The following RBFOX3 variants were observed in gnomAD, a reference collection of about 807,000 sequenced individuals.
RBFOX3 encodes RNA binding fox-1 homolog 3.
RBFOX3 carries 17 observed loss-of-function variants against 48.7 expected under a neutral mutation model. The observed-to-expected ratio is 0.35, with a 90% CI of 0.24 to 0.52. The LOEUF is 0.52. RBFOX3 is among the 20% of genes least tolerant of loss of function. RBFOX3 has a pLI of 0.94. For synonymous variants in RBFOX3, 212 were observed against 209.5 expected (o/e 1.01, Z -0.10); for missense variants, 382 against 497.5 (o/e 0.77, Z 2.21).
rs2058523225 is a variant in RBFOX3, at chr17:79,212,578, ACTT to A, written c.-34+23185_-34+23187del. Among the ~76,000 whole-genome samples, 1 of 152,066 alleles carries A rather than the reference ACTT, an allele frequency of 6.6e-6. No individual in the cohort carries two copies. Among genetic ancestry groups the A allele is most frequent in the Non-Finnish European group, 1.5e-5 (1 of 68,004 alleles). The stretch of plus-strand genomic sequence containing the variant: ...AAAGAGTAGATTTCAGAGCAACTTA[ACTT>A]CTTTCACAAGCAAATTCCCAGAGCC... On this transcript the variant is annotated intron_variant, in intron 4 of 14. Transcript: ENST00000693108. This position sits in a 1 kb window ranked among gnomAD's most constrained non-coding sequence, Gnocchi z 4.7.
rs1395401853 is a variant in RBFOX3, at chr17:79,278,342, C to T, written c.-74+29382G>A. Among the ~76,000 whole-genome samples, 6 of 152,340 alleles carry T rather than the reference C, an allele frequency of 3.9e-5. No individual in the cohort carries two copies. In the East Asian group the frequency reaches 1.2e-3, roughly 29 times the overall value. On this transcript the variant is annotated intron_variant, in intron 3 of 14. Transcript: ENST00000693108. ...TAGCTGAGGACCCTGGTTCCTGGTA[C>T]CCCAGAAGAGGGACCCCGATGCCAA...
chr17:79,345,829 T>C (rs761381468), intron 2 of RBFOX3, among the ~76,000 whole-genome samples: 1 of 152,236 alleles, frequency 6.6e-6, no homozygotes, highest in Non-Finnish European at 1.5e-5. Flanking sequence ...TATTTTTTCT[T>C]AACTTTAATG....
intron 2 of RBFOX3, among the ~76,000 whole-genome samples, chr17:79,422,976 C>T (rs567049202): frequency 1.3e-4 from 20 of 151,878 alleles, no homozygotes; most frequent in Non-Finnish European, 2.7e-4. Flanking sequence ...CACGTGAGGT[C>T]GCAGGGAGAA....
At position 79,204,158 on chromosome 17, in the gene RBFOX3, C is replaced by T. The variant is rs62062884; in HGVS notation, c.-34+31608G>A. ...GCCCCTACTTCCCCTACTGCCATGACAGCAATAGCTAGAGTTGGGGTTCAG... is the reference window on the plus strand; with the variant it reads ...GCCCCTACTTCCCCTACTGCCATGATAGCAATAGCTAGAGTTGGGGTTCAG... On this transcript the variant is annotated intron_variant, in intron 4 of 14. Transcript: ENST00000693108. This position sits in a 1 kb window ranked among gnomAD's most constrained non-coding sequence, Gnocchi z 4.5. Among the ~76,000 whole-genome samples, 1 of 152,196 alleles carries T rather than the reference C, an allele frequency of 6.6e-6. No individual in the cohort carries two copies. The highest frequency in any genetic ancestry group is 1.5e-5 in the Non-Finnish European group (1 of 68,026).
chr17:79,289,091 C>T (rs1452598147), intron 3 of RBFOX3, among the ~76,000 whole-genome samples: 2 of 152,174 alleles, frequency 1.3e-5, no homozygotes, highest in Non-Finnish European at 2.9e-5. Context: ...TCACCAGAAC[C>T]TGTCATCTCT....
At chr17:79,356,367 T>TTTTTTTTTG (rs2085068310) in intron 2 of RBFOX3, among the ~76,000 whole-genome samples, 2 of 76,998 alleles carry the variant, frequency 2.6e-5, no homozygotes, top group Admixed American at 1.3e-4. Context: ...TTTTTTTTTT[T>TTTTTTTTTG]TTTTTTTTTT....
In RBFOX3 at chr17:79,097,752, CAA is replaced by C. The variant is rs1156861355; in HGVS notation, c.569-9_569-8del. On this transcript the variant is annotated splice_region_variant and splice_polypyrimidine_tract_variant and intron_variant, in intron 9 of 14. Coordinates refer to ENST00000693108, the MANE Select transcript of RBFOX3 (RefSeq NM_001350451.2). Reference sequence around the variant, plus strand: ...ACTGGATTTAGCTTCCAGCCTAAAACAAAGGCACAGAGACCTAGTCACTGCCT... The same window carrying C: ...ACTGGATTTAGCTTCCAGCCTAAAACAGGCACAGAGACCTAGTCACTGCCT... 1 of 1,533,742 alleles carries C rather than the reference CAA, an allele frequency of 6.5e-7. No individual in the cohort carries two copies. Among genetic ancestry groups the C allele is most frequent in the Non-Finnish European group, 8.8e-7 (1 of 1,135,950 alleles).
At chr17:79,523,900 T>C (rs1401575206) in intron 1 of RBFOX3, among the ~76,000 whole-genome samples, 1 of 152,158 alleles carries the variant, frequency 6.6e-6, no homozygotes, top group Non-Finnish European at 1.5e-5. Context: ...CTCCACACCG[T>C]GTATCTCAGT....
chr17:79,376,244 C>T (rs1053379421), intron 2 of RBFOX3, among the ~76,000 whole-genome samples: 1 of 152,174 alleles, frequency 6.6e-6, no homozygotes, highest in African/African-American at 2.4e-5. Context: ...AGCCTGGAAT[C>T]GACTGGTTGG....
intron 4 of RBFOX3, among the ~76,000 whole-genome samples, chr17:79,227,871 A>G (rs1379798178): frequency 6.6e-6 from 1 of 152,030 alleles, no homozygotes; most frequent in African/African-American, 2.4e-5. Context: ...CATTGCATGG[A>G]CCTCCACTTT....
chr17:79,540,219 G>A (rs2089473384), intron 1 of RBFOX3, among the ~76,000 whole-genome samples: 1 of 152,244 alleles, frequency 6.6e-6, no homozygotes, highest in Non-Finnish European at 1.5e-5. Flanking sequence ...TTCAGCAGAT[G>A]CTGATATTCA....
intron 4 of RBFOX3, among the ~76,000 whole-genome samples, chr17:79,225,798 C>T (rs1219968975): frequency 6.6e-6 from 1 of 152,268 alleles, no homozygotes; most frequent in East Asian, 1.9e-4. Context: ...TGGGCCCATT[C>T]CACACCAGGG....
At chr17:79,319,078 C>T (rs374797549) in intron 2 of RBFOX3, among the ~76,000 whole-genome samples, 6 of 151,484 alleles carry the variant, frequency 4.0e-5, no homozygotes, top group African/African-American at 9.7e-5. Context: ...TGAGGGTGGG[C>T]GGAGGGAAAG....
chr17:79,324,568 G>A (rs962869622), intron 2 of RBFOX3, among the ~76,000 whole-genome samples: 3 of 152,300 alleles, frequency 2.0e-5, no homozygotes, highest in African/African-American at 7.2e-5. Flanking sequence ...AGCAGGTGAC[G>A]TGGGCAAAGC....
At chr17:79,495,846 G>C (rs2081451418) in intron 1 of RBFOX3, among the ~76,000 whole-genome samples, 1 of 151,610 alleles carries the variant, frequency 6.6e-6, no homozygotes, top group South Asian at 2.1e-4. Context: ...GCGGTGGACG[G>C]GGTGGAGGTT....
the RBFOX3 span, among the ~76,000 whole-genome samples, chr17:79,636,203 T>C: frequency 1.3e-5 from 2 of 152,164 alleles, no homozygotes; most frequent in African/African-American, 4.8e-5. Flanking sequence ...GAACACTATA[T>C]CCAAGATATA....
intron 1 of RBFOX3, among the ~76,000 whole-genome samples, chr17:79,545,387 G>A (rs1202996426): frequency 5.3e-5 from 8 of 152,222 alleles, no homozygotes; most frequent in Non-Finnish European, 1.2e-4. Flanking sequence ...ACATGGGGAA[G>A]AAGAGAAAAC....
chr17:79,348,300 G>T (rs1441635257), intron 2 of RBFOX3, among the ~76,000 whole-genome samples: 1 of 152,194 alleles, frequency 6.6e-6, no homozygotes, highest in Non-Finnish European at 1.5e-5. Flanking sequence ...GACAGGCATG[G>T]TTTGTCCCAA....
rs1365075401 is a variant in RBFOX3 at position 79,212,149 on chromosome 17, C to G, written c.-34+23617G>C. ...ATCTTCGACCATGCCAGGGACAAGA[C>G]AGCAGAAAAATGGCCCCAGGGAGAA... On this transcript the variant is annotated intron_variant, in intron 4 of 14. Coordinates refer to ENST00000693108, the MANE Select transcript of RBFOX3 (RefSeq NM_001350451.2). This position sits in a 1 kb window ranked among gnomAD's most constrained non-coding sequence, Gnocchi z 4.7. Among the ~76,000 whole-genome samples the G allele has an allele frequency of 3.9e-5, 6 of 152,188 alleles. No homozygotes were observed. The South Asian group carries it at 1.2e-3, about 31-fold the overall frequency.
Sources: gnomAD v4.1 joint callset for allele counts (sites outside exome capture counted in the v4.1 genomes callset) on GRCh38, gnomAD v4.1.1 for gene constraint, Gnocchi (gnomAD v3.1) non-coding constraint, MANE v1.5 for transcripts, NCBI Gene and HGNC (gene_info 2026-07-23, HGNC 2026-07-21) for gene names.